The following MAGI2 variants were observed in gnomAD, a reference collection of about 807,000 sequenced individuals.
MAGI2 encodes the protein membrane-associated guanylate kinase, WW and PDZ domain-containing protein 2.
In MAGI2, 35 loss-of-function variants were observed where a neutral mutation model predicts 133.3. The observed-to-expected ratio is 0.26, with a 90% CI of 0.20 to 0.35. The LOEUF is 0.35. Among genes scored for constraint, MAGI2 ranks in the 10% least tolerant of loss-of-function variants. The pLI is 1.00. For missense variants in MAGI2, 1,636 were observed against 1,863.4 expected (o/e 0.88, Z 2.25); for synonymous variants, 729 against 710.6 (o/e 1.03, Z -0.41).
At chr7:79,082,233 T>C (rs1255049701) in intron 1 of MAGI2, among the ~76,000 whole-genome samples, 2 of 152,102 alleles carry the variant, frequency 1.3e-5, no homozygotes, top group Admixed American at 6.6e-5. Context: ...TGAAATCATG[T>C]ATATCTATCT....
At chr7:79,256,358 T>C (rs896485731) in intron 1 of MAGI2, among the ~76,000 whole-genome samples, 1 of 152,188 alleles carries the variant, frequency 6.6e-6, no homozygotes, top group African/African-American at 2.4e-5. Flanking sequence ...AACAAAGGCA[T>C]TGAATAATAA....
At chr7:78,515,193 C>T (rs951881241) in intron 4 of MAGI2, among the ~76,000 whole-genome samples, 4 of 152,166 alleles carry the variant, frequency 2.6e-5, no homozygotes, top group African/African-American at 9.7e-5. Flanking sequence ...CCTAATTACT[C>T]TGGTTTACAT....
intron 20 of MAGI2, among the ~76,000 whole-genome samples, chr7:78,084,273 C>G (rs771524898): frequency 1.3e-5 from 2 of 152,142 alleles, no homozygotes; most frequent in Non-Finnish European, 2.9e-5. Flanking sequence ...GATCTGAGGT[C>G]ACAGGCTAAT....
intron 1 of MAGI2, among the ~76,000 whole-genome samples, chr7:79,207,103 A>G (rs1829121821): frequency 6.6e-6 from 1 of 151,950 alleles, no homozygotes; most frequent in Non-Finnish European, 1.5e-5. Context: ...ACAAACTCAC[A>G]GCTAACAAAT....
intron 2 of MAGI2, among the ~76,000 whole-genome samples, chr7:78,890,442 C>T (rs1780743492): frequency 6.6e-6 from 1 of 152,122 alleles, no homozygotes; most frequent in Non-Finnish European, 1.5e-5. Context: ...CAGAACCACA[C>T]CACACCTATT....
chr7:78,917,392 T>C (rs1437894607), intron 2 of MAGI2, among the ~76,000 whole-genome samples: 2 of 151,990 alleles, frequency 1.3e-5, no homozygotes, highest in Non-Finnish European at 2.9e-5. Context: ...GGGTTGAATG[T>C]GGTCTCCCCT....
intron 2 of MAGI2, among the ~76,000 whole-genome samples, chr7:78,835,786 A>G (rs1177951780): frequency 1.3e-5 from 2 of 152,184 alleles, no homozygotes; most frequent in Non-Finnish European, 2.9e-5. Context: ...TTATGGTTCC[A>G]TTTTATTTAT....
intron 9 of MAGI2, among the ~76,000 whole-genome samples, chr7:78,315,479 G>A (rs1787317441): frequency 6.6e-6 from 1 of 152,114 alleles, no homozygotes; most frequent in Non-Finnish European, 1.5e-5. Context: ...CTTCCTTGGA[G>A]GGTTTTAAAC....
intron 2 of MAGI2, among the ~76,000 whole-genome samples, chr7:78,870,341 G>A (rs1794929075): frequency 7.5e-6 from 1 of 133,878 alleles, no homozygotes; most frequent in Admixed American, 7.7e-5. Context: ...GTGACAAAGT[G>A]AGACCCTGTC....
At chr7:78,233,776 A>T (rs1278045353) in intron 10 of MAGI2, among the ~76,000 whole-genome samples, 3 of 152,176 alleles carry the variant, frequency 2.0e-5, no homozygotes, top group Non-Finnish European at 4.4e-5. Flanking sequence ...CTGAGTGACT[A>T]AGAGTGACTT....
intron 6 of MAGI2, among the ~76,000 whole-genome samples, chr7:78,388,156 A>G (rs920983431): frequency 1.3e-5 from 2 of 152,078 alleles, no homozygotes; most frequent in Non-Finnish European, 2.9e-5. Context: ...GCCTCAGTTT[A>G]TTTATTCTGC....
At chr7:78,782,362 T>A (rs1826464170) in intron 2 of MAGI2, among the ~76,000 whole-genome samples, 1 of 152,184 alleles carries the variant, frequency 6.6e-6, no homozygotes, top group Non-Finnish European at 1.5e-5. Context: ...TCTTTTTGCC[T>A]ACCCACAGTA....
At chr7:79,147,306 G>A (rs1330279022) in intron 1 of MAGI2, among the ~76,000 whole-genome samples, 1 of 152,148 alleles carries the variant, frequency 6.6e-6, no homozygotes, top group Non-Finnish European at 1.5e-5. Flanking sequence ...AATATATGAA[G>A]TAATCATCAT....
intron 2 of MAGI2, among the ~76,000 whole-genome samples, chr7:78,721,035 G>T (rs1356625267): frequency 6.6e-6 from 1 of 152,064 alleles, no homozygotes; most frequent in Non-Finnish European, 1.5e-5. Context: ...TGAAGAAAGA[G>T]TTGGACCTAA....
At chr7:79,238,982 T>C (rs1188706299) in intron 1 of MAGI2, among the ~76,000 whole-genome samples, 1 of 152,138 alleles carries the variant, frequency 6.6e-6, no homozygotes, top group Non-Finnish European at 1.5e-5. Context: ...AGAAAATGAA[T>C]GATCATTTTA....
intron 2 of MAGI2, among the ~76,000 whole-genome samples, chr7:78,712,919 G>A (rs10274288): frequency 0.37 from 56,678 of 151,946 alleles, 10,813 homozygotes; most frequent in Middle Eastern, 0.44. Context: ...TAGTGTGAAT[G>A]TTTTGAAACT....
intron 1 of MAGI2, among the ~76,000 whole-genome samples, chr7:79,327,361 G>A (rs1053192899): frequency 2.0e-5 from 3 of 152,118 alleles, no homozygotes; most frequent in African/African-American, 4.8e-5. Context: ...TGTAAGAAAT[G>A]CTTATAGACA....
At chr7:79,367,438 G>C (rs192975466) in intron 1 of MAGI2, among the ~76,000 whole-genome samples, 9 of 152,284 alleles carry the variant, frequency 5.9e-5, no homozygotes, top group African/African-American at 1.9e-4. Flanking sequence ...GAACAGAGCT[G>C]ATCAGGCAAT....
chr7:79,078,939 G>T (rs1002847618), intron 1 of MAGI2, among the ~76,000 whole-genome samples: 4 of 152,092 alleles, frequency 2.6e-5, no homozygotes, highest in Non-Finnish European at 5.9e-5. Flanking sequence ...AATGCAGGAA[G>T]AAAATAATTA....
Sources: allele counts gnomAD v4.1 joint callset (sites outside exome capture counted in the v4.1 genomes callset), GRCh38; gene constraint gnomAD v4.1.1; transcripts MANE v1.5; gene names NCBI Gene and HGNC (gene_info 2026-07-23, HGNC 2026-07-21).